The following ADARB2 variants were observed in gnomAD, a reference collection of about 807,000 sequenced individuals.
The protein encoded by ADARB2 is inactive double-stranded RNA-specific editase B2.
ADARB2 carries 25 observed loss-of-function variants against 62.2 expected under a neutral mutation model. The observed-to-expected ratio is 0.40, with a 90% CI of 0.29 to 0.56. The LOEUF (loss-of-function observed/expected upper bound fraction) is 0.56. Among genes scored for constraint, ADARB2 ranks in the 20% least tolerant of loss-of-function variants. The pLI is 0.43. For synonymous variants in ADARB2, 572 were observed against 500.8 expected, an observed-to-expected ratio of 1.14 and a Z score of -1.90; for missense variants, 1,071 against 1,077.4, an observed-to-expected ratio of 0.99 and a Z score of 0.08.
chr10:1,311,488 A>G lies in ADARB2; in HGVS notation c.1078-40419T>C, dbSNP rs1589188827. On this transcript the variant is annotated intron_variant, in intron 3 of 9. Coordinates refer to ENST00000381312, the MANE Select transcript of ADARB2 (RefSeq NM_018702.4). ...CTTCCGGGAAATGAAAAAAAAAGACACCTGACGTTGTTGTTTAATATCTGA... is the reference window on the plus strand; with the variant it reads ...CTTCCGGGAAATGAAAAAAAAAGACGCCTGACGTTGTTGTTTAATATCTGA... Among the ~76,000 whole-genome samples the G allele has an allele frequency of 2.0e-5, 3 of 151,972 alleles. No individual in the cohort carries two copies. In the South Asian group the frequency reaches 6.3e-4, roughly 32 times the overall value.
chr10:1,522,961 C>T (rs940552559), intron 1 of ADARB2, among the ~76,000 whole-genome samples: 3 of 152,254 alleles, frequency 2.0e-5, no homozygotes, highest in African/African-American at 4.8e-5. Context: ...AATGTTATTG[C>T]TTATAAAGCC....
At chr10:1,250,705 C>G (rs6560720) in intron 4 of ADARB2, among the ~76,000 whole-genome samples, 68,259 of 152,048 alleles carry the variant, frequency 0.45, 15,712 homozygotes, top group Non-Finnish European at 0.5. Context: ...TACCCAGTCT[C>G]ATGTATTCTG....
intron 1 of ADARB2, among the ~76,000 whole-genome samples, chr10:1,563,559 G>A (rs971677471): frequency 6.6e-6 from 1 of 152,102 alleles, no homozygotes; most frequent in African/African-American, 2.4e-5. Context: ...GCCAGTTTAT[G>A]GAACAAACAG....
At chr10:1,212,060 G>A (rs980743597) in intron 7 of ADARB2, among the ~76,000 whole-genome samples, 6 of 152,098 alleles carry the variant, frequency 3.9e-5, no homozygotes, top group Admixed American at 6.6e-5. Context: ...TCCTCCTGCC[G>A]CTTCACAGAC....
chr10:1,633,592 C>CTATCTATCTATCTA (rs1554776978), intron 1 of ADARB2, among the ~76,000 whole-genome samples: 5 of 105,302 alleles, frequency 4.7e-5, no homozygotes, highest in Non-Finnish European at 1.2e-4. Flanking sequence ...ATCTATCTAT[C>CTATCTATCTATCTA]TATCTATCTA....
chr10:1,466,062 T>C (rs549582112), intron 1 of ADARB2, among the ~76,000 whole-genome samples: 16 of 152,368 alleles, frequency 1.1e-4, no homozygotes, highest in African/African-American at 3.1e-4. Flanking sequence ...CCATCAACAA[T>C]GGGAGCAGCT....
chr10:1,271,319 T>C (rs1341915166), intron 3 of ADARB2, among the ~76,000 whole-genome samples: 2 of 152,210 alleles, frequency 1.3e-5, no homozygotes, highest in Non-Finnish European at 2.9e-5. Context: ...GCAGAAACCC[T>C]GAGCTCTGCC....
At chr10:1,492,639 CT>C (rs1321267063) in intron 1 of ADARB2, among the ~76,000 whole-genome samples, 7 of 152,132 alleles carry the variant, frequency 4.6e-5, no homozygotes, top group Non-Finnish European at 8.8e-5. Context: ...CCAAGAACAC[CT>C]GTCTACAGGT....
chr10:1,696,068 T>C (rs941016903), intron 1 of ADARB2, among the ~76,000 whole-genome samples: 7 of 152,088 alleles, frequency 4.6e-5, no homozygotes, highest in Admixed American at 2.0e-4. Flanking sequence ...ATGCATTGTG[T>C]ATATGTGCAT....
rs991030908 is a variant in ADARB2 at position 1,398,841 on chromosome 10, G to A, written c.101-19681C>T. Among the ~76,000 whole-genome samples the A allele has an allele frequency of 1.3e-5, 2 of 152,120 alleles. No individual in the cohort carries two copies. Among genetic ancestry groups the A allele is most frequent in the Non-Finnish European group, 2.9e-5 (2 of 68,028 alleles). Reference sequence around the variant, plus strand: ...GATTTTCTCCCTCCGCAGCAGCAGCGCAGCCTGCACGAGGTTGCTGGGGGA... The same window carrying A: ...GATTTTCTCCCTCCGCAGCAGCAGCACAGCCTGCACGAGGTTGCTGGGGGA... On this transcript the variant is annotated intron_variant, in intron 1 of 9. Coordinates refer to ENST00000381312, the MANE Select transcript of ADARB2 (RefSeq NM_018702.4). This position sits in a 1 kb window ranked among gnomAD's most constrained non-coding sequence, Gnocchi z 4.1.
chr10:1,595,727 C>T (rs1223178879), intron 1 of ADARB2, among the ~76,000 whole-genome samples: 5 of 152,206 alleles, frequency 3.3e-5, no homozygotes, highest in African/African-American at 4.8e-5. Context: ...ACAATTCAGC[C>T]GAGAGACAAA....
intron 3 of ADARB2, among the ~76,000 whole-genome samples, chr10:1,326,534 T>C (rs1038925459): frequency 3.3e-5 from 5 of 152,244 alleles, no homozygotes; most frequent in African/African-American, 1.2e-4. Context: ...TGTTTTTATA[T>C]GAACTTGGGA....
intron 1 of ADARB2, among the ~76,000 whole-genome samples, chr10:1,396,877 C>G (rs3001047): frequency 2.1e-4 from 19 of 89,824 alleles, no homozygotes; most frequent in Admixed American, 2.2e-4. Context: ...CTCCCGAGTG[C>G]AGGCTTCCTG....
At chr10:1,402,328 C>G (rs2820588) in intron 1 of ADARB2, among the ~76,000 whole-genome samples, 108,784 of 152,044 alleles carry the variant, frequency 0.72, 39,302 homozygotes, top group East Asian at 0.99. Flanking sequence ...GCTCATCAAC[C>G]GCTATTCTGC....
At chr10:1,474,706 A>G (rs1831375302) in intron 1 of ADARB2, among the ~76,000 whole-genome samples, 1 of 152,122 alleles carries the variant, frequency 6.6e-6, no homozygotes, top group Non-Finnish European at 1.5e-5. Flanking sequence ...AGGGGAGAGA[A>G]TGCGTGGGAA....
At chr10:1,222,357 T>C (rs560211588) in intron 6 of ADARB2, among the ~76,000 whole-genome samples, 1 of 152,306 alleles carries the variant, frequency 6.6e-6, no homozygotes, top group Non-Finnish European at 1.5e-5. Context: ...TTCTCCCATT[T>C]TGTAGTTTGC....
chr10:1,665,145 G>GA (rs575055434), intron 1 of ADARB2, among the ~76,000 whole-genome samples: 4 of 151,684 alleles, frequency 2.6e-5, no homozygotes, highest in South Asian at 4.2e-4. Context: ...ATAATTAAAG[G>GA]AAAAAAAAGC....
At chr10:1,630,247 G>T (rs909691764) in intron 1 of ADARB2, among the ~76,000 whole-genome samples, 2 of 152,198 alleles carry the variant, frequency 1.3e-5, no homozygotes, top group African/African-American at 4.8e-5. Flanking sequence ...ACTAGAGCTT[G>T]GCCCTCCCGA....
intron 2 of ADARB2, among the ~76,000 whole-genome samples, chr10:1,364,165 C>A (rs1832292782): frequency 6.6e-6 from 1 of 152,254 alleles, no homozygotes. Context: ...TGGGCTGGCT[C>A]CTGTTTTAAG....
Sources: gnomAD v4.1 joint callset for allele counts (sites outside exome capture counted in the v4.1 genomes callset) on GRCh38, gnomAD v4.1.1 for gene constraint, Gnocchi (gnomAD v3.1) non-coding constraint, MANE v1.5 for transcripts, NCBI Gene and HGNC (gene_info 2026-07-23, HGNC 2026-07-21) for gene names.